The following ARAP1 variants were observed in gnomAD, a reference collection of about 807,000 sequenced individuals.
ARAP1 encodes ArfGAP with RhoGAP domain, ankyrin repeat and PH domain 1.
A neutral mutation model predicts 172.2 loss-of-function variants in ARAP1; 76 were observed. The ratio of observed to expected loss-of-function variants is 0.44; its 90% confidence interval spans 0.37 to 0.53. The LOEUF is 0.53. Among genes scored for constraint, ARAP1 ranks in the 20% least tolerant of loss-of-function variants. The pLI is 0.00. For missense variants in ARAP1, 1,686 were observed against 1,977.5 expected (o/e 0.85, Z 2.80); for synonymous variants, 804 against 803.3 (o/e 1.00, Z -0.01).
intron 2 of ARAP1, among the ~76,000 whole-genome samples, chr11:72,729,834 G>C (rs988223961): frequency 2.0e-5 from 3 of 148,958 alleles, no homozygotes; most frequent in African/African-American, 7.6e-5. Context: ...AGAATTGCTT[G>C]AGCCTAGGAG....
chr11:72,688,687 C>T, intron 30 of ARAP1, 150 bp from the exon 31 acceptor site: 2 of 648,532 alleles, frequency 3.1e-6, no homozygotes, highest in Non-Finnish European at 2.7e-6. Flanking sequence ...CCTGATAAAG[C>T]CCTCCCTGTT....
chr11:72,717,437 G>A (rs1043659427), intron 3 of ARAP1, among the ~76,000 whole-genome samples: 1 of 152,166 alleles, frequency 6.6e-6, no homozygotes, highest in African/African-American at 2.4e-5. Flanking sequence ...GAGCTGAGGG[G>A]AAGGTGGTAA....
At chr11:72,694,732 T>C (rs1856101782) in intron 27 of ARAP1, among the ~76,000 whole-genome samples, 1 of 152,066 alleles carries the variant, frequency 6.6e-6, no homozygotes, top group South Asian at 2.1e-4. Flanking sequence ...ACCTTTACCA[T>C]AAAATACATT....
At chr11:72,700,619 G>A (rs11605042) in intron 16 of ARAP1, 69,253 of 152,220 alleles carry the variant, frequency 0.45, 15,810 homozygotes, top group Non-Finnish European at 0.48. Flanking sequence ...AGGCAGTGGT[G>A]GCCAAAAGGA....
chr11:72,687,627 G>A (rs1476046456), intron 32 of ARAP1, 61 bp downstream of exon 32: 9 of 1,613,024 alleles, frequency 5.6e-6, no homozygotes, highest in Admixed American at 1.7e-5. Context: ...GGGACACAAT[G>A]AAGGGGGACG....
At position 72,714,179 on chromosome 11, in the gene ARAP1, T is replaced by C; in HGVS notation, c.652A>G (p.Lys218Glu). 6.6e-7 allele frequency: 1 copy of C among 1,513,042 alleles called. No individual in the cohort carries two copies. Among genetic ancestry groups the C allele is most frequent in the South Asian group, 1.3e-5 (1 of 76,818 alleles). 93.7% of individuals were successfully genotyped at this position (1,513,042 alleles called of 1,614,324 possible). A position where few individuals can be genotyped will look rare whatever the true frequency, so the allele number is the denominator to read the frequency against. Reference protein sequence around the residue: ...PPPCPPEIPPKPVRLFPEFDD... With the variant: ...PPPCPPEIPPEPVRLFPEFDD... The stretch of plus-strand genomic sequence containing the variant: ...AACTCTGGGAACAGGCGTACCGGCT[T>C]TGGAGGTATCTCCGGGGGGCAGGGA... Residue 218 changes from lysine (K) to glutamate (E), a missense_variant, in exon 4 of 35, where the codon AAG (lysine) becomes GAG (glutamate). Lys to Glu is a moderately conservative substitution (Grantham distance 56, BLOSUM62 1). This residue lies in a region of ARAP1 where 155 missense variants were observed against 129.2 expected (regional missense o/e 1.20). Coordinates refer to ENST00000393609, the MANE Select transcript of ARAP1 (RefSeq NM_001040118.3).
At chr11:72,688,911 T>TC (rs1200623839) in intron 30 of ARAP1, 2 of 201,056 alleles carry the variant, frequency 9.9e-6, no homozygotes, top group Non-Finnish European at 2.0e-5. Context: ...CTGTACATCC[T>TC]CCCCCAGCAC....
Position 72,699,351 on chromosome 11 carries a change from C to T in ARAP1, c.2438+66G>A. 6.2e-7 allele frequency: 1 copy of T among 1,602,194 alleles called. No homozygotes were observed. The highest frequency in any genetic ancestry group is 1.1e-5 in the South Asian group (1 of 89,944). ...TCCTCCCCTTCTCTGGGTCTATTTC[C>T]CTGTCTCCCCAGTGGGGGATTGTAC... On this transcript the variant is annotated intron_variant, in intron 17 of 34. Coordinates refer to ENST00000393609, the MANE Select transcript of ARAP1 (RefSeq NM_001040118.3). This position sits in a 1 kb window ranked among gnomAD's most constrained non-coding sequence, Gnocchi z 4.2.
At chr11:72,711,559 C>T (rs528950694) in intron 7 of ARAP1, 60 bp from the exon 8 acceptor site, 7 of 1,430,766 alleles carry the variant, frequency 4.9e-6, no homozygotes, top group Non-Finnish European at 6.9e-6. Context: ...GTTCCAGGAC[C>T]ACCCCAGCCC....
chr11:72,713,249 G>C lies in ARAP1; in HGVS notation c.680-6C>G. 1 of 1,612,968 alleles carries C rather than the reference G, an allele frequency of 6.2e-7. No homozygotes were observed. The highest frequency in any genetic ancestry group is 1.1e-5 in the South Asian group (1 of 90,838). On this transcript the variant is annotated splice_region_variant and splice_polypyrimidine_tract_variant and intron_variant, in intron 4 of 34. Transcript: ENST00000393609. ...CTCATCGTAGTCAGAGTCATCTGGT[G>C]AGAGAGGGGTTGGGGGGCCTCAGGG...
intron 14 of ARAP1, 59 bp downstream of exon 14, chr11:72,704,093 A>G: frequency 6.2e-7 from 1 of 1,603,664 alleles, no homozygotes; most frequent in Non-Finnish European, 8.5e-7. Flanking sequence ...AGCATGAGGA[A>G]CAGGGCAGCA....
chr11:72,715,572 T>TC (rs1857236813), intron 3 of ARAP1, among the ~76,000 whole-genome samples: 6 of 142,254 alleles, frequency 4.2e-5, no homozygotes, highest in Admixed American at 6.8e-5. Context: ...TTTAACTTCT[T>TC]TTTTTTTTTT....
chr11:72,709,061 AAAAG>A (rs1263106765), intron 11 of ARAP1, among the ~76,000 whole-genome samples: 2 of 151,702 alleles, frequency 1.3e-5, no homozygotes, highest in Admixed American at 1.3e-4. Context: ...AAAAAAAAAA[AAAAG>A]GAAAGGCACG....
At chr11:72,737,150 C>T (rs1296803204) in intron 1 of ARAP1, among the ~76,000 whole-genome samples, 8 of 152,188 alleles carry the variant, frequency 5.3e-5, no homozygotes, top group Non-Finnish European at 1.2e-4. Flanking sequence ...TGGGGGTCCA[C>T]CTCCACCCAA....
At position 72,744,067 on chromosome 11, in the gene ARAP1, C is replaced by T. The variant is rs1858282480; in HGVS notation, c.-128+8261G>A. On this transcript the variant is annotated intron_variant, in intron 1 of 34. Transcript: ENST00000393609. Reference sequence around the variant, plus strand: ...CCTAGAACATCTTTCTCTACCTCACCCTGCAAGCTCAAGTGCCACCTGCTT... The same window carrying T: ...CCTAGAACATCTTTCTCTACCTCACTCTGCAAGCTCAAGTGCCACCTGCTT... Among the ~76,000 whole-genome samples the T allele has an allele frequency of 2.0e-5, 3 of 152,112 alleles. No homozygotes were observed. The South Asian group carries it at 6.2e-4, about 31-fold the overall frequency.
Position 72,741,789 on chromosome 11 carries a change from G to A in ARAP1, c.-127-9192C>T, listed in dbSNP as rs895698662. ...ACCCTCACCACGTGCCCTGGGGGCC[G>A]AGGGCCAGCACCCACCCTGCCCCAA... On this transcript the variant is annotated intron_variant, in intron 1 of 34. Transcript: ENST00000393609. This position sits in a 1 kb window ranked among gnomAD's most constrained non-coding sequence, Gnocchi z 4.5. Among the ~76,000 whole-genome samples the A allele has an allele frequency of 3.9e-5, 6 of 152,206 alleles. No homozygotes were observed. The highest frequency in any genetic ancestry group is 7.4e-5 in the Non-Finnish European group (5 of 67,976).
At position 72,693,668 on chromosome 11, in the gene ARAP1, G is replaced by A; in HGVS notation, c.3808+24C>T. On this transcript the variant is annotated intron_variant, in intron 28 of 34. Coordinates refer to ENST00000393609, the MANE Select transcript of ARAP1 (RefSeq NM_001040118.3). The surrounding 1 kb of genome is among the most constrained non-coding windows in gnomAD (Gnocchi z 4.6). ...TGGAAGAGAGGACCACCCGGAGCCTGGCCACCCTGCAGGCACCACCTACCC... is the reference window on the plus strand; with the variant it reads ...TGGAAGAGAGGACCACCCGGAGCCTAGCCACCCTGCAGGCACCACCTACCC... The A allele has an allele frequency of 6.3e-7, 1 of 1,579,800 alleles. No individual in the cohort carries two copies.
chr11:72,738,188 G>A (rs967112114), intron 1 of ARAP1, among the ~76,000 whole-genome samples: 3 of 152,202 alleles, frequency 2.0e-5, no homozygotes, highest in Non-Finnish European at 2.9e-5. Flanking sequence ...GACAGAAAAG[G>A]ACCTGGTGAA....
rs569090093 is a variant in ARAP1, at chr11:72,704,227, G to A, written c.1917C>T (p.His639=). 5.6e-5 allele frequency: 90 copies of A among 1,613,898 alleles called. No individual in the cohort carries two copies. In the South Asian group the frequency reaches 8.9e-4, roughly 16 times the overall value. ...TGCCCTCACGGTACTTGGCCTCCAG[G>A]TGGCACCGCCGGGTGCTGGGGCTGC... ...PSSSPSTRRC[H]LEAKYREGKY... The change falls in exon 14 of 35, where the codon CAC becomes CAT. Residue 639 remains histidine, a synonymous_variant. Transcript: ENST00000393609.
Sources: allele counts gnomAD v4.1 joint callset (sites outside exome capture counted in the v4.1 genomes callset), GRCh38; gene constraint gnomAD v4.1.1; regional missense constraint gnomAD v4.1.1; non-coding constraint Gnocchi (gnomAD v3.1); transcripts MANE v1.5; gene names NCBI Gene and HGNC (gene_info 2026-07-23, HGNC 2026-07-21).